ZFPM2: variants seen among roughly 807,000 people sequenced by gnomAD.
The protein encoded by ZFPM2 is zinc finger protein ZFPM2.
In ZFPM2, 20 loss-of-function variants were observed where a neutral mutation model predicts 98.6. That is an observed-to-expected ratio of 0.20 (90% confidence interval 0.14 to 0.29). ZFPM2 has a LOEUF of 0.29. Ranked by LOEUF, ZFPM2 falls within the 10% of genes least tolerant of loss-of-function variation. The pLI is 1.00. For synonymous variants in ZFPM2, 518 were observed against 502.7 expected, an observed-to-expected ratio of 1.03 and a Z score of -0.41; for missense variants, 1,310 against 1,388.6, an observed-to-expected ratio of 0.94 and a Z score of 0.90.
chr8:105,616,560 C>T (rs1405340477), intron 4 of ZFPM2: 1 of 186,556 alleles, frequency 5.4e-6, no homozygotes, highest in East Asian at 1.7e-4. Flanking sequence ...TTACCCAAAT[C>T]AGTACACACA....
At chr8:105,362,571 T>C (rs1810425614) in intron 1 of ZFPM2, among the ~76,000 whole-genome samples, 1 of 152,168 alleles carries the variant, frequency 6.6e-6, no homozygotes, top group African/African-American at 2.4e-5. Flanking sequence ...TTTAATTTTA[T>C]TGACATTACT....
At chr8:105,557,907 A>G (rs1815035771) in intron 3 of ZFPM2, among the ~76,000 whole-genome samples, 1 of 152,170 alleles carries the variant, frequency 6.6e-6, no homozygotes, top group Admixed American at 6.5e-5. Context: ...TGTTGTATGT[A>G]GGGAAGGAAA....
intron 4 of ZFPM2, among the ~76,000 whole-genome samples, chr8:105,561,758 C>T (rs1216538013): frequency 6.6e-6 from 1 of 152,114 alleles, no homozygotes; most frequent in East Asian, 1.9e-4. Flanking sequence ...CAGACCAAGA[C>T]TGTTCACATT....
intron 1 of ZFPM2, among the ~76,000 whole-genome samples, chr8:105,408,802 A>G (rs1161391864): frequency 1.3e-5 from 2 of 151,828 alleles, no homozygotes; most frequent in Non-Finnish European, 2.9e-5. Flanking sequence ...GTGTTCCAGG[A>G]GCAGGAGGCA....
chr8:105,752,108 G>T (rs1046000447), intron 5 of ZFPM2, among the ~76,000 whole-genome samples: 4 of 151,828 alleles, frequency 2.6e-5, no homozygotes, highest in African/African-American at 9.7e-5. Context: ...CATTTCAGTA[G>T]CCATTATTTG....
At chr8:105,605,617 A>G (rs562962528) in intron 4 of ZFPM2, among the ~76,000 whole-genome samples, 103 of 152,208 alleles carry the variant, frequency 6.8e-4, no homozygotes, top group African/African-American at 2.3e-3. Flanking sequence ...ATATTTTAGT[A>G]TATTTTAAGG....
At chr8:105,772,350 G>GGATGCTCAA (rs1330577407) in intron 5 of ZFPM2, among the ~76,000 whole-genome samples, 1 of 152,068 alleles carries the variant, frequency 6.6e-6, no homozygotes, top group Non-Finnish European at 1.5e-5. Flanking sequence ...AGGATGCTCA[G>GGATGCTCAA]GTAAAATTTC....
chr8:105,678,491 A>T (rs1402213988), intron 5 of ZFPM2: 1 of 152,166 alleles, frequency 6.6e-6, no homozygotes, highest in South Asian at 2.1e-4. Flanking sequence ...AATGGCCTTT[A>T]TGCCTCCTGG....
At chr8:105,681,464 TTGTC>T (rs553959941) in intron 5 of ZFPM2, among the ~76,000 whole-genome samples, 126 of 152,312 alleles carry the variant, frequency 8.3e-4, no homozygotes, top group South Asian at 2.1e-3. Flanking sequence ...CAATAATAGT[TTGTC>T]TGTAGATTAT....
At chr8:105,455,052 A>C (rs1688557234) in intron 3 of ZFPM2, among the ~76,000 whole-genome samples, 1 of 152,154 alleles carries the variant, frequency 6.6e-6, no homozygotes, top group African/African-American at 2.4e-5. Context: ...AAAATTCAAA[A>C]TCCAAAATGC....
At chr8:105,342,250 T>G (rs188936044) in intron 1 of ZFPM2, among the ~76,000 whole-genome samples, 1 of 152,182 alleles carries the variant, frequency 6.6e-6, no homozygotes, top group African/African-American at 2.4e-5. Context: ...AAAATCTCCT[T>G]TGAGAAAGTC....
chr8:105,493,028 A>G (rs1813387476), intron 3 of ZFPM2, among the ~76,000 whole-genome samples: 1 of 152,182 alleles, frequency 6.6e-6, no homozygotes, highest in South Asian at 2.1e-4. Context: ...TGAGACCTCT[A>G]TTACTTCCCC....
intron 4 of ZFPM2, among the ~76,000 whole-genome samples, chr8:105,567,026 T>C (rs1169730218): frequency 1.3e-5 from 2 of 152,208 alleles, no homozygotes; most frequent in African/African-American, 4.8e-5. Context: ...TAGTCATCTT[T>C]ATAGAAATGT....
chr8:105,597,273 A>G (rs574365858), intron 4 of ZFPM2, among the ~76,000 whole-genome samples: 14 of 152,238 alleles, frequency 9.2e-5, no homozygotes, highest in Non-Finnish European at 2.1e-4. Flanking sequence ...TTCATTTTCT[A>G]TGTGTATTTC....
intron 5 of ZFPM2, among the ~76,000 whole-genome samples, chr8:105,780,803 C>T (rs1375230778): frequency 2.0e-5 from 3 of 152,146 alleles, no homozygotes; most frequent in African/African-American, 4.8e-5. Flanking sequence ...TCGCTTGAAC[C>T]TGGGAGGTGG....
At chr8:105,524,161 A>G (rs1425367656) in intron 3 of ZFPM2, among the ~76,000 whole-genome samples, 1 of 152,218 alleles carries the variant, frequency 6.6e-6, no homozygotes, top group African/African-American at 2.4e-5. Flanking sequence ...TTGGGGAGAT[A>G]TAACTATGTT....
chr8:105,545,550 A>T (rs1451324199), intron 3 of ZFPM2, among the ~76,000 whole-genome samples: 4 of 152,192 alleles, frequency 2.6e-5, no homozygotes, highest in Non-Finnish European at 5.9e-5. Flanking sequence ...TTCTCAAAAA[A>T]TTAAGATTGT....
At chr8:105,362,630 G>T (rs1014312851) in intron 1 of ZFPM2, among the ~76,000 whole-genome samples, 2 of 152,120 alleles carry the variant, frequency 1.3e-5, no homozygotes, top group Non-Finnish European at 2.9e-5. Context: ...GGTGAAGAAG[G>T]CATACTTATG....
At chr8:105,513,402 G>T (rs2130515807) in intron 3 of ZFPM2, among the ~76,000 whole-genome samples, 1 of 152,242 alleles carries the variant, frequency 6.6e-6, no homozygotes, top group African/African-American at 2.4e-5. Flanking sequence ...CCAAAGCGAT[G>T]CACATTTTTA....
Sources: allele counts gnomAD v4.1 joint callset (sites outside exome capture counted in the v4.1 genomes callset), GRCh38; gene constraint gnomAD v4.1.1; transcripts MANE v1.5; gene names NCBI Gene and HGNC (gene_info 2026-07-23, HGNC 2026-07-21).